GFM1: variants seen among roughly 807,000 people sequenced by gnomAD.
The protein encoded by GFM1 is G elongation factor mitochondrial 1.
A neutral mutation model predicts 96.2 loss-of-function variants in GFM1; 62 were observed. The ratio of observed to expected loss-of-function variants is 0.64; its 90% CI spans 0.53 to 0.80. The LOEUF (loss-of-function observed/expected upper bound fraction) is 0.80, where lower values mean the gene tolerates loss of function less well. GFM1 is among the 30% of genes least tolerant of loss of function. GFM1 has a pLI of 0.00. For missense variants in GFM1, 852 were observed against 916.6 expected (o/e 0.93, Z 0.91); for synonymous variants, 282 against 312.9 (o/e 0.90, Z 1.04).
chr3:158,673,274 T>C (rs774100556), intron 13 of GFM1, among the ~76,000 whole-genome samples: 37 of 152,212 alleles, frequency 2.4e-4, no homozygotes, highest in Admixed American at 5.2e-4. Flanking sequence ...ACTTGAGTCA[T>C]TTTGAATATT....
At chr3:158,685,427 A>G (rs1725759620) in intron 15 of GFM1, 1 of 152,246 alleles carries the variant, frequency 6.6e-6, no homozygotes, top group African/African-American at 2.4e-5. Flanking sequence ...TACACAGTAG[A>G]ATTATGATTC....
chr3:158,692,016 A>G lies in GFM1; in HGVS notation c.*549A>G, dbSNP rs1484974741. On this transcript the variant is annotated 3_prime_UTR_variant, in exon 18 of 18. Coordinates refer to ENST00000486715, the MANE Select transcript of GFM1 (RefSeq NM_024996.7). ...GACTTGAAAGTGAATCGCATATATC[A>G]TGACACTTCTTGGAGTGTCATTAAT... The G allele has an allele frequency of 1.3e-5, 2 of 155,454 alleles. No homozygotes were observed. Among genetic ancestry groups the G allele is most frequent in the African/African-American group, 4.8e-5 (2 of 41,486 alleles). 9.6% of individuals were successfully genotyped at this position (155,454 alleles called of 1,614,324 possible). A position where few individuals can be genotyped will look rare whatever the true frequency, so the allele number is the denominator to read the frequency against.
chr3:158,689,059 T>G (rs144505928), intron 15 of GFM1, among the ~76,000 whole-genome samples: 82 of 152,320 alleles, frequency 5.4e-4, no homozygotes, highest in African/African-American at 1.9e-3. Context: ...GCTGAAAGCC[T>G]TTATTTGGAG....
At chr3:158,684,950 A>G in intron 15 of GFM1, 1 of 317,158 alleles carries the variant, frequency 3.2e-6, no homozygotes. Flanking sequence ...AATAGGGAAG[A>G]CTGAAATGTT....
chr3:158,690,297 G>C lies in GFM1; in HGVS notation c.2044G>C (p.Glu682Gln). 6.2e-7 allele frequency: 1 copy of C among 1,614,032 alleles called. No individual in the cohort carries two copies. The highest frequency in any genetic ancestry group is 8.5e-7 in the Non-Finnish European group (1 of 1,179,900). Residue 682 changes from glutamate to glutamine, a missense_variant, in exon 16 of 18, where the codon GAG becomes CAG. Transcript: ENST00000486715. ...HGVITGQDGV[E>Q]DYFTLYADVP... Reference sequence around the variant, plus strand: ...GGTAATCACTGGGCAAGATGGAGTTGAGGACTATTTTACACTGTATGCAGA... The same window carrying C: ...GGTAATCACTGGGCAAGATGGAGTTCAGGACTATTTTACACTGTATGCAGA...
chr3:158,684,570 T>C lies in GFM1; in HGVS notation c.1811T>C (p.Leu604Pro). The C allele has an allele frequency of 6.2e-7, 1 of 1,614,120 alleles. No individual in the cohort carries two copies. The highest frequency in any genetic ancestry group is 8.5e-7 in the Non-Finnish European group (1 of 1,179,984). ...AAGGGCCCTCTTTCTGGTCACAAGC[T>C]CTCTGGGCTCCGGTTTGTCCTGCAA... ...CEKGPLSGHK[L>P]SGLRFVLQDG... The change falls in exon 15 of 18, where the codon CTC (leucine) becomes CCC (proline). Residue 604 changes from leucine to proline, a missense_variant. Coordinates refer to ENST00000486715, the MANE Select transcript of GFM1 (RefSeq NM_024996.7).
chr3:158,660,903 CTG>C lies in GFM1; in HGVS notation c.1254_1255del (p.Ala419IlefsTer5). 6.2e-7 allele frequency: 1 copy of C among 1,613,992 alleles called. No homozygotes were observed. On this transcript the variant is annotated frameshift_variant, in exon 10 of 18. Coordinates refer to ENST00000486715, the MANE Select transcript of GFM1 (RefSeq NM_024996.7). LOFTEE classifies it high-confidence loss of function. The part of the protein sequence containing the change: ...DVEEVYAGDI[C>X]ALFGIDCASG... ...TTGAGGAAGTATATGCCGGAGACATCTGTGCATTGTTTGGCATTGACTGTGCT... is the reference window on the plus strand; with the variant it reads ...TTGAGGAAGTATATGCCGGAGACATCTGCATTGTTTGGCATTGACTGTGCT...
intron 9 of GFM1, 131 bp from the exon 10 acceptor site, chr3:158,660,743 T>C (rs978230424): frequency 9.2e-6 from 7 of 759,094 alleles, no homozygotes; most frequent in South Asian, 7.4e-5. Flanking sequence ...TAATTCACTA[T>C]AGAATTCAAG....
intron 9 of GFM1, among the ~76,000 whole-genome samples, chr3:158,659,386 C>T (rs1386639492): frequency 2.0e-5 from 3 of 152,104 alleles, no homozygotes; most frequent in African/African-American, 7.2e-5. Flanking sequence ...ATGTAATAGG[C>T]ATTTAAGACT....
chr3:158,660,814 G>A, intron 9 of GFM1, 60 bp from the exon 10 acceptor site: 3 of 1,422,850 alleles, frequency 2.1e-6, no homozygotes, highest in Non-Finnish European at 3.0e-6. Context: ...TTACTTTTTA[G>A]TTACCACATC....
rs1349213188 is a variant in GFM1 at position 158,644,622 on chromosome 3, C to G, written c.-13C>G. ...CGGCGCCACGGGACTTTGACGCGTG[C>G]TCTGCGCTTGCCATGAGACTCCTGG... On this transcript the variant is annotated 5_prime_UTR_variant, in exon 1 of 18. Transcript: ENST00000486715. 5 of 1,563,412 alleles carry G rather than the reference C, an allele frequency of 3.2e-6. No individual in the cohort carries two copies. The highest frequency in any genetic ancestry group is 3.5e-6 in the Non-Finnish European group (4 of 1,154,416).
chr3:158,658,804 AAGAT>A, intron 8 of GFM1, 114 bp from the exon 9 acceptor site: 1 of 1,048,786 alleles, frequency 9.5e-7, no homozygotes. Context: ...TGAAATATGT[AAGAT>A]AGATTACTAA....
Position 158,654,510 on chromosome 3 carries a change from A to G in GFM1, c.999-37A>G, listed in dbSNP as rs1483737494. 3.3e-6 allele frequency: 4 copies of G among 1,209,762 alleles called. No individual in the cohort carries two copies. In the African/African-American group the frequency reaches 4.5e-5, roughly 14 times the overall value. 74.9% of individuals were successfully genotyped at this position (1,209,762 alleles called of 1,614,324 possible). On this transcript the variant is annotated intron_variant, in intron 7 of 17. Transcript: ENST00000486715. The stretch of plus-strand genomic sequence containing the variant: ...AATTGATATAAAAGAAATATCATAT[A>G]TTACATCTCATAGATTTATATTTCT...
intron 9 of GFM1, 166 bp from the exon 10 acceptor site, chr3:158,660,708 G>C (rs1723134930): frequency 1.5e-6 from 1 of 645,910 alleles, no homozygotes; most frequent in Non-Finnish European, 2.8e-6. Context: ...GTCTTAGCAT[G>C]GTTGATTATT....
chr3:158,693,486 C>G lies in GFM1; in HGVS notation c.*2019C>G, dbSNP rs1454260569. 6.6e-6 allele frequency: 1 copy of G among 152,184 alleles called. No homozygotes were observed. Among genetic ancestry groups the G allele is most frequent in the East Asian group, 1.9e-4 (1 of 5,194 alleles). 9.4% of individuals were successfully genotyped at this position (152,184 alleles called of 1,614,324 possible). On this transcript the variant is annotated 3_prime_UTR_variant, in exon 18 of 18. Transcript: ENST00000486715. ...CACCAGCATTTCATAGGTAATGATT[C>G]AGGCCTAGCTGGTGGGAGTAATTAG...
At chr3:158,671,767 C>G (rs1464654996) in intron 13 of GFM1, among the ~76,000 whole-genome samples, 1 of 152,184 alleles carries the variant, frequency 6.6e-6, no homozygotes, top group Admixed American at 6.5e-5. Flanking sequence ...TAATTCAAGC[C>G]TTTAGCAGAG....
intron 8 of GFM1, 138 bp from the exon 9 acceptor site, chr3:158,658,784 G>A (rs1722965504): frequency 1.2e-6 from 1 of 854,918 alleles, no homozygotes; most frequent in Non-Finnish European, 1.9e-6. Context: ...ATTAGTTTAT[G>A]ACAATAAACT....
At chr3:158,658,310 G>A (rs190703546) in intron 8 of GFM1, among the ~76,000 whole-genome samples, 1 of 152,126 alleles carries the variant, frequency 6.6e-6, no homozygotes, top group Admixed American at 6.5e-5. Flanking sequence ...GGGATTATAG[G>A]TGTGCCACCA....
intron 15 of GFM1, among the ~76,000 whole-genome samples, chr3:158,686,595 TAACTA>T (rs1725872136): frequency 6.7e-6 from 1 of 150,246 alleles, no homozygotes; most frequent in Non-Finnish European, 1.5e-5. Flanking sequence ...ATATGAATAT[TAACTA>T]AACAGTTGAA....
Sources: gnomAD v4.1 joint callset for allele counts (sites outside exome capture counted in the v4.1 genomes callset) on GRCh38, gnomAD v4.1.1 for gene constraint, MANE v1.5 for transcripts, NCBI Gene and HGNC (gene_info 2026-07-23, HGNC 2026-07-21) for gene names.